The following PCGF5 variants were observed in gnomAD, a reference collection of about 807,000 sequenced individuals.
The protein encoded by PCGF5 is polycomb group ring finger 5, also known as polycomb group RING finger protein 5.
Under a neutral mutation model 44.3 loss-of-function variants are expected in PCGF5, and 9 were observed. That is an observed-to-expected ratio of 0.20 (90% CI 0.12 to 0.35). The LOEUF is 0.35. PCGF5 is among the 10% of genes least tolerant of loss of function. The pLI is 1.00. For missense variants in PCGF5, 146 were observed against 305.3 expected, an observed-to-expected ratio of 0.48 and a Z score of 3.89; for synonymous variants, 95 against 102.5, an observed-to-expected ratio of 0.93 and a Z score of 0.44.
Position 91,280,076 on chromosome 10 carries a change from G to GGAAT in PCGF5, c.*1762_*1765dup, listed in dbSNP as rs1846416020. ...GTTTTGTTACATTGTTTTTGTTCTT[G>GGAAT]GAATGGCTCACAAGCAGAATTTAAA... On this transcript the variant is annotated 3_prime_UTR_variant, in exon 10 of 10. Transcript: ENST00000336126. 1 of 151,752 alleles carries GGAAT rather than the reference G, an allele frequency of 6.6e-6. No individual in the cohort carries two copies. Among genetic ancestry groups the GGAAT allele is most frequent in the African/African-American group, 2.4e-5 (1 of 41,362 alleles). The allele number at this position is 151,752 out of a possible 1,614,324, so 9.4% of individuals were successfully genotyped here.
At chr10:91,194,604 TG>T (rs1844093772) in intron 1 of PCGF5, among the ~76,000 whole-genome samples, 1 of 152,214 alleles carries the variant, frequency 6.6e-6, no homozygotes, top group South Asian at 2.1e-4. Context: ...TGTCATAATT[TG>T]TTATCACAGC....
chr10:91,234,988 G>A (rs1480281364), intron 2 of PCGF5, among the ~76,000 whole-genome samples: 1 of 152,112 alleles, frequency 6.6e-6, no homozygotes, highest in Non-Finnish European at 1.5e-5. Context: ...TGTCATAATG[G>A]TTTCTTAATG....
chr10:91,160,006 TG>T (rs1843359280), upstream of PCGF5, among the ~76,000 whole-genome samples: 1 of 152,244 alleles, frequency 6.6e-6, no homozygotes, highest in Non-Finnish European at 1.5e-5. Flanking sequence ...AATACGCTCA[TG>T]GTTAATCTGT....
chr10:91,272,900 C>G (rs1846214339), intron 9 of PCGF5, among the ~76,000 whole-genome samples: 1 of 152,198 alleles, frequency 6.6e-6, no homozygotes, highest in African/African-American at 2.4e-5. Context: ...ACAAACTTAA[C>G]TGGCATACTT....
At chr10:91,203,029 GCAAA>G (rs1424141320) in intron 1 of PCGF5, among the ~76,000 whole-genome samples, 3 of 152,136 alleles carry the variant, frequency 2.0e-5, no homozygotes, top group Non-Finnish European at 2.9e-5. Context: ...AAGCAAGAAA[GCAAA>G]CAAACAAAAA....
chr10:91,233,474 C>A (rs1364690001), intron 2 of PCGF5, among the ~76,000 whole-genome samples: 1 of 152,126 alleles, frequency 6.6e-6, no homozygotes, highest in African/African-American at 2.4e-5. Flanking sequence ...CCTTAGGGTT[C>A]TCTGTGAAAT....
intron 1 of PCGF5, among the ~76,000 whole-genome samples, chr10:91,208,037 C>T (rs1240717872): frequency 1.3e-5 from 2 of 152,104 alleles, no homozygotes; most frequent in Admixed American, 6.5e-5. Context: ...CTATCTCTGT[C>T]GAGAGACACT....
At chr10:91,217,472 A>C (rs1420271940), upstream of PCGF5, among the ~76,000 whole-genome samples, 1 of 152,230 alleles carries the variant, frequency 6.6e-6, no homozygotes, top group Non-Finnish European at 1.5e-5. Context: ...GTATAGAACT[A>C]CCTACCCACC....
intron 1 of PCGF5, among the ~76,000 whole-genome samples, chr10:91,214,801 C>A (rs1279238431): frequency 1.3e-5 from 2 of 152,224 alleles, no homozygotes; most frequent in South Asian, 4.1e-4. Flanking sequence ...GAAATGGATC[C>A]AGAGAAAGGT....
chr10:91,169,708 A>T (rs185666585), intron 1 of PCGF5, among the ~76,000 whole-genome samples: 1 of 152,216 alleles, frequency 6.6e-6, no homozygotes, highest in African/African-American at 2.4e-5. Context: ...TCCCAACTGT[A>T]TTCATATATT....
chr10:91,191,670 C>T (rs1289157734), intron 1 of PCGF5, among the ~76,000 whole-genome samples: 1 of 152,078 alleles, frequency 6.6e-6, no homozygotes. Context: ...ACAGTGATGT[C>T]CTATGTAGCC....
intron 1 of PCGF5, among the ~76,000 whole-genome samples, chr10:91,185,023 G>A (rs1052717006): frequency 6.6e-6 from 1 of 152,158 alleles, no homozygotes; most frequent in Non-Finnish European, 1.5e-5. Context: ...AAGCAGTTTG[G>A]CCACATTTTT....
chr10:91,196,240 T>A (rs1564630817), intron 1 of PCGF5, among the ~76,000 whole-genome samples: 1 of 152,214 alleles, frequency 6.6e-6, no homozygotes, highest in African/African-American at 2.4e-5. Flanking sequence ...AGAGAAGTGA[T>A]GTGAGGCAAA....
chr10:91,233,937 T>A (rs543553953), intron 2 of PCGF5, among the ~76,000 whole-genome samples: 4 of 152,336 alleles, frequency 2.6e-5, no homozygotes, highest in Middle Eastern at 6.8e-3. Flanking sequence ...TACTAATCAA[T>A]GAAGACACTT....
chr10:91,269,871 T>C (rs1846137002), intron 8 of PCGF5, among the ~76,000 whole-genome samples: 1 of 152,206 alleles, frequency 6.6e-6, no homozygotes, highest in Non-Finnish European at 1.5e-5. Flanking sequence ...AGGATCTCTT[T>C]ATGTGTTCTG....
chr10:91,239,790 GC>G (rs2133344007), intron 2 of PCGF5, among the ~76,000 whole-genome samples: 1 of 152,182 alleles, frequency 6.6e-6, no homozygotes, highest in South Asian at 2.1e-4. Flanking sequence ...TAGGCTTGTG[GC>G]CCCAAATCCA....
chr10:91,164,120 G>T (rs986339471), intron 1 of PCGF5, among the ~76,000 whole-genome samples: 1 of 140,658 alleles, frequency 7.1e-6, no homozygotes, highest in Non-Finnish European at 1.6e-5. Flanking sequence ...GTACACACAC[G>T]CGCGCGTACT....
At chr10:91,199,058 G>A (rs1363064398) in intron 1 of PCGF5, among the ~76,000 whole-genome samples, 3 of 152,092 alleles carry the variant, frequency 2.0e-5, no homozygotes, top group Non-Finnish European at 2.9e-5. Context: ...ATACATGCTG[G>A]TTTGTATCTG....
Position 91,209,804 on chromosome 10 carries a change from A to G in PCGF5, c.-183-12885A>G, listed in dbSNP as rs200536765. On this transcript the variant is annotated intron_variant, in intron 1 of 9. Coordinates refer to the PCGF5 transcript ENST00000614189. Reference sequence around the variant, plus strand: ...AAAAAAAAAAAAAAAAAGAAAAACGAAGAAAGGAATTGGAGGATATCTGCT... The same window carrying G: ...AAAAAAAAAAAAAAAAAGAAAAACGGAGAAAGGAATTGGAGGATATCTGCT... Among the ~76,000 whole-genome samples, 4 of 492 alleles carry G rather than the reference A, an allele frequency of 8.1e-3. 2 individuals carry two copies. Among genetic ancestry groups the G allele is most frequent in the Admixed American group, 0.083 (2 of 24 alleles). The allele number at this position is 492 out of a possible 152,430, so 0.3% of individuals were successfully genotyped here.
Sources: allele counts gnomAD v4.1 joint callset (sites outside exome capture counted in the v4.1 genomes callset), GRCh38; gene constraint gnomAD v4.1.1; transcripts MANE v1.5; gene names NCBI Gene and HGNC (gene_info 2026-07-23, HGNC 2026-07-21).